FRMD3: variants seen among roughly 807,000 people sequenced by gnomAD.
The protein encoded by FRMD3 is FERM domain containing 3.
In FRMD3, 33 loss-of-function variants were observed where a neutral mutation model predicts 70.2. The observed-to-expected ratio is 0.47, with a 90% CI of 0.36 to 0.63. The LOEUF is 0.63. Ranked by LOEUF, FRMD3 falls within the 20% of genes least tolerant of loss-of-function variation. The pLI, the probability that FRMD3 is intolerant of heterozygous loss-of-function variation, is 0.00. For synonymous variants in FRMD3, 279 were observed against 255.9 expected (o/e 1.09, Z -0.86); for missense variants, 632 against 711.4 (o/e 0.89, Z 1.27).
At chr9:83,469,796 T>C (rs1339775993) in intron 1 of FRMD3, among the ~76,000 whole-genome samples, 3 of 152,160 alleles carry the variant, frequency 2.0e-5, no homozygotes, top group Non-Finnish European at 4.4e-5. Context: ...CATACATAAT[T>C]AAAACTCATG....
chr9:83,475,373 A>G (rs1227121158), intron 1 of FRMD3, among the ~76,000 whole-genome samples: 1 of 152,200 alleles, frequency 6.6e-6, no homozygotes, highest in East Asian at 1.9e-4. Flanking sequence ...TAGATGGGTT[A>G]CAGCAAAAAG....
chr9:83,368,379 T>C (rs1307698025), intron 3 of FRMD3, among the ~76,000 whole-genome samples: 2 of 152,130 alleles, frequency 1.3e-5, no homozygotes, highest in African/African-American at 4.8e-5. Flanking sequence ...TCACCCAGGC[T>C]GGACTGCAGT....
chr9:83,431,906 G>T (rs1239011903), intron 1 of FRMD3, among the ~76,000 whole-genome samples: 1 of 152,188 alleles, frequency 6.6e-6, no homozygotes, highest in African/African-American at 2.4e-5. Flanking sequence ...GCCAGCTGCT[G>T]GCACAGCACT....
chr9:83,453,769 G>A (rs1827736650), intron 1 of FRMD3, among the ~76,000 whole-genome samples: 1 of 138,888 alleles, frequency 7.2e-6, no homozygotes, highest in Admixed American at 7.8e-5. Context: ...AGGCTAGAGT[G>A]CAGTGGCATG....
Position 83,248,282 on chromosome 9 carries a change from C to G in FRMD3, c.1430G>C (p.Arg477Thr), listed in dbSNP as rs182521075. 1.9e-6 allele frequency: 3 copies of G among 1,614,062 alleles called. No homozygotes were observed. The African/African-American group carries it at 4.0e-5, about 22-fold the overall frequency. The change falls in exon 14 of 14, where the codon AGA becomes ACA. Residue 477 changes from arginine (R) to threonine (T), a missense_variant. By Grantham distance (71) the Arg-to-Thr change is moderately conservative (BLOSUM62 -1). Transcript: ENST00000304195. Reference protein sequence around the residue: ...FDCPSRLELEREDTDSFEDLE... With the variant: ...FDCPSRLELETEDTDSFEDLE... The stretch of plus-strand genomic sequence containing the variant: ...ATCCTCAAATGAATCTGTGTCTTCT[C>G]TTTCCAACTCAAGCCTAGAAGGACA...
Position 83,537,431 on chromosome 9 carries a change from A to T in FRMD3, c.147+654T>A, listed in dbSNP as rs2131566459. Among the ~76,000 whole-genome samples the T allele has an allele frequency of 6.6e-6, 1 of 152,164 alleles. No homozygotes were observed. Among genetic ancestry groups the T allele is most frequent in the East Asian group, 1.9e-4 (1 of 5,180 alleles). On this transcript the variant is annotated intron_variant, in intron 1 of 13. Transcript: ENST00000304195. The surrounding 1 kb of genome is among the most constrained non-coding windows in gnomAD (Gnocchi z 4.1). ...TCTCCGAAACACTCAGACTTCACAC[A>T]TTCCTTTCGAGGTAGCTCCAGTCCG...
chr9:83,358,013 A>G (rs1824458889), intron 3 of FRMD3, among the ~76,000 whole-genome samples: 1 of 121,394 alleles, frequency 8.2e-6, no homozygotes, highest in African/African-American at 2.6e-5. Context: ...CAATGTCTAG[A>G]AGGGTTTATC....
In FRMD3 at chr9:83,439,212, T is replaced by G. The variant is rs377378818; in HGVS notation, c.148-49504A>C. Among the ~76,000 whole-genome samples, 28 of 152,354 alleles carry G rather than the reference T, an allele frequency of 1.8e-4. No individual in the cohort carries two copies. The South Asian group carries it at 5.8e-3, about 32-fold the overall frequency. ...TTTGGGCCATGAAAGCCATAAAACATTTAATGTCCATAAATGGATAGGGTC... is the reference window on the plus strand; with the variant it reads ...TTTGGGCCATGAAAGCCATAAAACAGTTAATGTCCATAAATGGATAGGGTC... On this transcript the variant is annotated intron_variant, in intron 1 of 13. Coordinates refer to ENST00000304195, the MANE Select transcript of FRMD3 (RefSeq NM_174938.6).
chr9:83,565,871 A>G, the FRMD3 span, among the ~76,000 whole-genome samples: 1 of 152,238 alleles, frequency 6.6e-6, no homozygotes, highest in Non-Finnish European at 1.5e-5. Context: ...TTTTGCATCA[A>G]ATAAGCCACT....
At chr9:83,272,249 G>A (rs1043711211) in intron 13 of FRMD3, among the ~76,000 whole-genome samples, 5 of 151,822 alleles carry the variant, frequency 3.3e-5, no homozygotes, top group African/African-American at 4.8e-5. Flanking sequence ...GATTGCAGGC[G>A]GGCGCCGCCA....
rs1302973078 is a variant in FRMD3 at position 83,349,640 on chromosome 9, T to TA, written c.374+38dup. On this transcript the variant is annotated intron_variant, in intron 4 of 13. Transcript: ENST00000304195. The stretch of plus-strand genomic sequence containing the variant: ...CAAGACCAAAGAGATTCTGGCTGGT[T>TA]AAAGGTGCACGTTAAACATACAAAC... 7 of 1,444,048 alleles carry TA rather than the reference T, an allele frequency of 4.8e-6. No individual in the cohort carries two copies. The African/African-American group carries it at 7.0e-5, about 14-fold the overall frequency. 89.5% of individuals were successfully genotyped at this position (1,444,048 alleles called of 1,614,324 possible). A position where few individuals can be genotyped will look rare whatever the true frequency, so the allele number is the denominator to read the frequency against.
chr9:83,256,932 A>AT (rs1284940257), intron 13 of FRMD3, among the ~76,000 whole-genome samples: 1 of 152,196 alleles, frequency 6.6e-6, no homozygotes, highest in Non-Finnish European at 1.5e-5. Context: ...GGGAAGGTAA[A>AT]TTGGTTCAAC....
intron 6 of FRMD3, among the ~76,000 whole-genome samples, chr9:83,322,717 T>G (rs1835847856): frequency 6.6e-6 from 1 of 152,202 alleles, no homozygotes; most frequent in Admixed American, 6.5e-5. Flanking sequence ...AGCTGATCCC[T>G]GGAGGTTTCT....
intron 3 of FRMD3, among the ~76,000 whole-genome samples, chr9:83,359,087 A>G (rs1276525960): frequency 6.6e-6 from 1 of 152,162 alleles, no homozygotes; most frequent in Admixed American, 6.5e-5. Flanking sequence ...CCCCACTCTT[A>G]CTGAAATGAT....
chr9:83,545,893 G>T, the FRMD3 span, among the ~76,000 whole-genome samples: 5 of 152,128 alleles, frequency 3.3e-5, no homozygotes, highest in Non-Finnish European at 5.9e-5. Context: ...CATCACCAAG[G>T]TGTATAGTCA....
At chr9:83,304,108 A>C (rs1426060009) in intron 10 of FRMD3, among the ~76,000 whole-genome samples, 1 of 152,198 alleles carries the variant, frequency 6.6e-6, no homozygotes, top group Non-Finnish European at 1.5e-5. Flanking sequence ...CATTGTATGG[A>C]TATACCGCAT....
chr9:83,316,880 C>G (rs1381662831), intron 6 of FRMD3, among the ~76,000 whole-genome samples: 1 of 152,136 alleles, frequency 6.6e-6, no homozygotes, highest in East Asian at 1.9e-4. Flanking sequence ...TAATATCTTA[C>G]TCTCCACCAA....
chr9:83,488,870 T>C (rs1828745361), intron 1 of FRMD3, among the ~76,000 whole-genome samples: 1 of 151,894 alleles, frequency 6.6e-6, no homozygotes, highest in South Asian at 2.1e-4. Flanking sequence ...ACAAGGAAAA[T>C]GGGGGAAATA....
At chr9:83,345,313 CA>C (rs1823919118) in intron 4 of FRMD3, among the ~76,000 whole-genome samples, 2 of 152,066 alleles carry the variant, frequency 1.3e-5, no homozygotes, top group African/African-American at 4.8e-5. Flanking sequence ...GTCAAAGGAA[CA>C]ATATTATACT....
Sources: gnomAD v4.1 joint callset for allele counts (sites outside exome capture counted in the v4.1 genomes callset) on GRCh38, gnomAD v4.1.1 for gene constraint, Gnocchi (gnomAD v3.1) non-coding constraint, MANE v1.5 for transcripts, NCBI Gene and HGNC (gene_info 2026-07-23, HGNC 2026-07-21) for gene names.